The following DIAPH3 variants were observed in gnomAD, a reference collection of about 807,000 sequenced individuals.
DIAPH3 encodes protein diaphanous homolog 3.
Under a neutral mutation model 144.3 loss-of-function variants are expected in DIAPH3, and 117 were observed. That is an observed-to-expected ratio of 0.81 (90% CI 0.70 to 0.95). The LOEUF is 0.95. Among genes scored for constraint, DIAPH3 ranks in the 40% least tolerant of loss-of-function variants. The pLI is 0.00. For synonymous variants in DIAPH3, 519 were observed against 488.9 expected (o/e 1.06, Z -0.81); for missense variants, 1,421 against 1,412.7 (o/e 1.01, Z -0.09).
intron 22 of DIAPH3, among the ~76,000 whole-genome samples, chr13:59,844,978 T>A (rs976498056): frequency 2.0e-5 from 3 of 152,180 alleles, no homozygotes; most frequent in African/African-American, 7.2e-5. Context: ...CAAATAGTAC[T>A]TAATTCCTTC....
chr13:59,744,847 T>C (rs189185746), intron 27 of DIAPH3, among the ~76,000 whole-genome samples: 277 of 152,156 alleles, frequency 1.8e-3, no homozygotes, highest in Admixed American at 4.1e-3. Context: ...TGACCAAAGA[T>C]GTGAAGGCAA....
chr13:60,023,850 CTTTTTTTTTT>C (rs35707483), intron 5 of DIAPH3, among the ~76,000 whole-genome samples: 2 of 68,874 alleles, frequency 2.9e-5, no homozygotes, highest in African/African-American at 1.2e-4. Flanking sequence ...ACTATTCAGC[CTTTTTTTTTT>C]TTTTTTTTTT....
intron 4 of DIAPH3, among the ~76,000 whole-genome samples, chr13:60,073,166 G>T (rs1204073112): frequency 2.0e-5 from 3 of 151,970 alleles, no homozygotes; most frequent in African/African-American, 7.2e-5. Context: ...AAAATTAGCC[G>T]GGCGTGGTGG....
Position 60,093,653 on chromosome 13 carries a change from T to C in DIAPH3, c.470A>G (p.Gln157Arg), listed in dbSNP as rs1489963038. ...TGTCTTAGAAGCAGTATTAATGTACTGCATCACCATTTCTTTTTTGATACT... is the reference window on the plus strand; with the variant it reads ...TGTCTTAGAAGCAGTATTAATGTACCGCATCACCATTTCTTTTTTGATACT... Reference protein sequence around the residue: ...DFSIKKEMVMQYINTASKTGS... With the variant: ...DFSIKKEMVMRYINTASKTGS... The change falls in exon 4 of 28, where the codon CAG becomes CGG. Residue 157 changes from glutamine (Q) to arginine (R), a missense_variant. Coordinates refer to ENST00000400324, the MANE Select transcript of DIAPH3 (RefSeq NM_001042517.2). The C allele has an allele frequency of 1.2e-6, 2 of 1,611,882 alleles. No individual in the cohort carries two copies. Among genetic ancestry groups the C allele is most frequent in the Admixed American group, 1.7e-5 (1 of 60,012 alleles).
At chr13:59,819,612 A>C (rs2040954741) in intron 24 of DIAPH3, among the ~76,000 whole-genome samples, 1 of 151,888 alleles carries the variant, frequency 6.6e-6, no homozygotes, top group Non-Finnish European at 1.5e-5. Context: ...TTCATGACCC[A>C]AAGGTTGCAA....
intron 9 of DIAPH3, among the ~76,000 whole-genome samples, chr13:60,002,556 C>CGTG (rs2052588110): frequency 6.6e-6 from 1 of 152,168 alleles, no homozygotes; most frequent in African/African-American, 2.4e-5. Flanking sequence ...CGTCTTTTGA[C>CGTG]AGCACCAATA....
At chr13:59,863,960 T>C (rs760489221) in intron 21 of DIAPH3, among the ~76,000 whole-genome samples, 12 of 152,090 alleles carry the variant, frequency 7.9e-5, no homozygotes, top group Non-Finnish European at 1.0e-4. Context: ...TGAAACAACA[T>C]AGAAACTCTA....
chr13:59,797,806 T>C (rs991444728), intron 25 of DIAPH3, among the ~76,000 whole-genome samples: 2 of 152,198 alleles, frequency 1.3e-5, no homozygotes, highest in Admixed American at 6.5e-5. Flanking sequence ...CTTATCCTCA[T>C]GAGCTAAACA....
chr13:59,987,795 A>T (rs2051520667), intron 12 of DIAPH3, among the ~76,000 whole-genome samples: 1 of 148,126 alleles, frequency 6.8e-6, no homozygotes, highest in African/African-American at 2.5e-5. Context: ...AACTGGAACA[A>T]GAAAGATGTC....
intron 20 of DIAPH3, among the ~76,000 whole-genome samples, chr13:59,890,148 T>C (rs1251825758): frequency 2.6e-5 from 4 of 152,076 alleles, no homozygotes. Context: ...ACACTCCAGC[T>C]CCCAGGCACA....
At chr13:60,094,884 T>C (rs1183746190) in intron 3 of DIAPH3, among the ~76,000 whole-genome samples, 1 of 152,206 alleles carries the variant, frequency 6.6e-6, no homozygotes, top group Non-Finnish European at 1.5e-5. Context: ...CAATGTCACT[T>C]TTGCTGCTCT....
intron 7 of DIAPH3, among the ~76,000 whole-genome samples, chr13:60,013,740 T>C (rs1467259904): frequency 6.6e-6 from 1 of 152,148 alleles, no homozygotes; most frequent in African/African-American, 2.4e-5. Flanking sequence ...CAATGAATGC[T>C]AATAAAGACT....
At chr13:59,750,787 A>C (rs906921971) in intron 27 of DIAPH3, among the ~76,000 whole-genome samples, 1 of 152,210 alleles carries the variant, frequency 6.6e-6, no homozygotes, top group African/African-American at 2.4e-5. Context: ...GGGCATTCCA[A>C]TATTGAGTTC....
chr13:59,729,645 A>T (rs1009359454), intron 27 of DIAPH3, among the ~76,000 whole-genome samples: 2 of 151,520 alleles, frequency 1.3e-5, no homozygotes, highest in African/African-American at 4.8e-5. Flanking sequence ...CCCACATACA[A>T]AAAAAAATGC....
At chr13:59,855,724 C>A (rs1207880717) in intron 22 of DIAPH3, among the ~76,000 whole-genome samples, 3 of 151,040 alleles carry the variant, frequency 2.0e-5, no homozygotes, top group Non-Finnish European at 4.4e-5. Context: ...TCATTATTCC[C>A]ACAGGAAAAT....
At position 59,988,042 on chromosome 13, in the gene DIAPH3, T is replaced by C. The variant is rs576629597; in HGVS notation, c.1361+3116A>G. Among the ~76,000 whole-genome samples the C allele has an allele frequency of 4.1e-4, 63 of 151,926 alleles. No homozygotes were observed. The Middle Eastern group carries it at 0.01, about 25-fold the overall frequency. ...CATTTAGACTTTCCTTTCCATAAAC[T>C]ATGACCCACTGCTCTTGACCTACTT... On this transcript the variant is annotated intron_variant, in intron 12 of 27. Transcript: ENST00000400324.
At chr13:59,760,071 C>A (rs1043399355) in intron 27 of DIAPH3, among the ~76,000 whole-genome samples, 1 of 152,128 alleles carries the variant, frequency 6.6e-6, no homozygotes, top group Non-Finnish European at 1.5e-5. Context: ...CTGTCTCAGG[C>A]AGGACTTTTC....
intron 26 of DIAPH3, 84 bp from the exon 27 acceptor site, chr13:59,774,332 C>T (rs2038282221): frequency 1.7e-6 from 2 of 1,161,294 alleles, no homozygotes; most frequent in African/African-American, 3.1e-5. Flanking sequence ...TACTTTTTTC[C>T]AAGGTTATGT....
chr13:59,828,577 A>G (rs2041588256), intron 24 of DIAPH3, among the ~76,000 whole-genome samples: 1 of 151,280 alleles, frequency 6.6e-6, no homozygotes, highest in Admixed American at 6.6e-5. Context: ...CTTCTCTGCA[A>G]AGACATGGAG....
Sources: gnomAD v4.1 joint callset for allele counts (sites outside exome capture counted in the v4.1 genomes callset) on GRCh38, gnomAD v4.1.1 for gene constraint, MANE v1.5 for transcripts, NCBI Gene and HGNC (gene_info 2026-07-23, HGNC 2026-07-21) for gene names.